Variants in AOX1 observed in about 807,000 individuals in gnomAD.
AOX1 encodes aldehyde oxidase.
AOX1 carries 153 observed loss-of-function variants against 169.5 expected under a neutral mutation model. The ratio of observed to expected loss-of-function variants is 0.90; its 90% CI spans 0.79 to 1.03. The LOEUF is 1.03. Ranked by LOEUF, AOX1 falls within the 50% of genes least tolerant of loss-of-function variation. The probability of loss-of-function intolerance (pLI) is 0.00; values close to 1 mark genes in which losing one functional copy is unlikely to be tolerated. For synonymous variants in AOX1, 562 were observed against 581.9 expected (o/e 0.97, Z 0.49); for missense variants, 1,656 against 1,663.9 (o/e 1.00, Z 0.08).
chr2:200,654,579 A>T (rs2035646196), intron 26 of AOX1, among the ~76,000 whole-genome samples: 1 of 152,168 alleles, frequency 6.6e-6, no homozygotes, highest in South Asian at 2.1e-4. Context: ...ACTGAATGGC[A>T]CAGACAGGAC....
intron 1 of AOX1, among the ~76,000 whole-genome samples, chr2:200,590,154 A>C (rs2034138762): frequency 1.3e-5 from 2 of 148,156 alleles, no homozygotes; most frequent in African/African-American, 2.5e-5. Context: ...CTTATTTTCT[A>C]CTCTCTCTCC....
At chr2:200,607,463 A>ATCC (rs2034538891) in intron 10 of AOX1, among the ~76,000 whole-genome samples, 1 of 152,182 alleles carries the variant, frequency 6.6e-6, no homozygotes, top group East Asian at 1.9e-4. Context: ...AAAGTCAGGA[A>ATCC]ACAATAAATG....
At position 200,670,777 on chromosome 2, in the gene AOX1, T is replaced by C; in HGVS notation, c.*98T>C. 2 of 963,406 alleles carry C rather than the reference T, an allele frequency of 2.1e-6. No individual in the cohort carries two copies. The highest frequency in any genetic ancestry group is 1.5e-5 in the South Asian group (1 of 68,870). The allele number at this position is 963,406 out of a possible 1,614,324, so 59.7% of individuals were successfully genotyped here. A position where few individuals can be genotyped will look rare whatever the true frequency, so the allele number is the denominator to read the frequency against. ...AGATGCTAGATCTGAAAGACAGAGTTTCCACAGTTCAGAAATCATCCCACA... is the reference window on the plus strand; with the variant it reads ...AGATGCTAGATCTGAAAGACAGAGTCTCCACAGTTCAGAAATCATCCCACA... On this transcript the variant is annotated 3_prime_UTR_variant, in exon 35 of 35. Coordinates refer to ENST00000374700, the MANE Select transcript of AOX1 (RefSeq NM_001159.4).
chr2:200,665,833 C>G (rs1178380837), intron 31 of AOX1, among the ~76,000 whole-genome samples: 3 of 152,240 alleles, frequency 2.0e-5, no homozygotes, highest in Non-Finnish European at 4.4e-5. Context: ...GAAGGCCAGT[C>G]TTGCTGACTG....
At chr2:200,657,164 A>AAAAAAAAAG (rs2035706412) in intron 27 of AOX1, among the ~76,000 whole-genome samples, 1 of 89,508 alleles carries the variant, frequency 1.1e-5, no homozygotes, top group Non-Finnish European at 2.2e-5. Context: ...TCTCTACCAA[A>AAAAAAAAAG]AATATATATA....
Position 200,656,919 on chromosome 2 carries a change from C to T in AOX1, c.3153C>T (p.Val1051=). The T allele has an allele frequency of 6.3e-7, 1 of 1,576,082 alleles. No homozygotes were observed. The highest frequency in any genetic ancestry group is 8.6e-7 in the Non-Finnish European group (1 of 1,160,082). The change falls in exon 27 of 35, where the codon GTC becomes GTT. Residue 1051 remains valine, a synonymous_variant. Coordinates refer to ENST00000374700, the MANE Select transcript of AOX1 (RefSeq NM_001159.4). ...THGGIEMGQG[V]HTKMIQVVSR... ...GTGGAATTGAAATGGGGCAGGGGGT[C>T]CACACTAAAATGATTCAGGTAAGAA...
intron 20 of AOX1, 111 bp from the exon 21 acceptor site, chr2:200,634,680 G>A: frequency 7.6e-7 from 1 of 1,321,192 alleles, no homozygotes; most frequent in Non-Finnish European, 1.0e-6. Context: ...ACTTCACTGT[G>A]CCCAGCAGAA....
intron 13 of AOX1, among the ~76,000 whole-genome samples, chr2:200,611,837 T>C (rs2034648195): frequency 6.6e-6 from 1 of 151,956 alleles, no homozygotes; most frequent in Admixed American, 6.6e-5. Context: ...CCCGAGTAGC[T>C]GGGATTACAG....
Position 200,599,705 on chromosome 2 carries a change from A to C in AOX1, c.395A>C (p.His132Pro). The part of the protein sequence containing the change: ...VMSIYTLLRN[H>P]PEPTLDQLTD... ...TCCATCTACACGCTGCTCAGGAACC[A>C]CCCAGAGCCCACTCTGGATCAGTTA... Residue 132 changes from histidine (H) to proline (P), a missense_variant, in exon 5 of 35, where the codon CAC (histidine) becomes CCC (proline). Coordinates refer to ENST00000374700, the MANE Select transcript of AOX1 (RefSeq NM_001159.4). 3.7e-6 allele frequency: 6 copies of C among 1,611,190 alleles called. No homozygotes were observed. The highest frequency in any genetic ancestry group is 5.1e-6 in the Non-Finnish European group (6 of 1,178,262).
intron 29 of AOX1, among the ~76,000 whole-genome samples, chr2:200,661,280 T>G (rs943604671): frequency 6.6e-6 from 1 of 152,216 alleles, no homozygotes; most frequent in African/African-American, 2.4e-5. Flanking sequence ...CCATCTTAAT[T>G]GAAAATTTTC....
rs571456794 is a variant in AOX1, at chr2:200,657,063, C to G, written c.3171+126C>G. ...AGGAAGCTGGGTGAGGTGGCTCATG[C>G]CTGTAATCCCAGCATTTTGGGAGGC... is the stretch of plus-strand genomic sequence containing the variant. On this transcript the variant is annotated intron_variant, in intron 27 of 34. Coordinates refer to ENST00000374700, the MANE Select transcript of AOX1 (RefSeq NM_001159.4). 99 of 510,984 alleles carry G rather than the reference C, an allele frequency of 1.9e-4. No homozygotes were observed. In the East Asian group the frequency reaches 3.9e-3, roughly 20 times the overall value. The allele number at this position is 510,984 out of a possible 1,614,324, so 31.7% of individuals were successfully genotyped here. A position where few individuals can be genotyped will look rare whatever the true frequency, so the allele number is the denominator to read the frequency against.
At chr2:200,659,419 C>A in intron 28 of AOX1, 126 bp downstream of exon 28, 1 of 1,029,190 alleles carries the variant, frequency 9.7e-7, no homozygotes, top group Non-Finnish European at 1.4e-6. Flanking sequence ...TGCCCTCAGT[C>A]AGTGGTACAG....
At chr2:200,610,443 C>G (rs1455229765) in intron 12 of AOX1, among the ~76,000 whole-genome samples, 1 of 152,168 alleles carries the variant, frequency 6.6e-6, no homozygotes. Flanking sequence ...AAAAGTCATA[C>G]TATGAGAAAC....
intron 16 of AOX1, among the ~76,000 whole-genome samples, chr2:200,618,078 A>G (rs1323195844): frequency 6.6e-6 from 1 of 152,176 alleles, no homozygotes; most frequent in Non-Finnish European, 1.5e-5. Context: ...CTGAACCCCA[A>G]TAAGTAAACT....
At chr2:200,588,816 G>A (rs1363680917) in intron 1 of AOX1, among the ~76,000 whole-genome samples, 2 of 138,956 alleles carry the variant, frequency 1.4e-5, no homozygotes, top group Non-Finnish European at 3.0e-5. Context: ...CCACCACCAC[G>A]CTAATTTTTG....
chr2:200,625,295 T>C (rs1396225594), intron 19 of AOX1, among the ~76,000 whole-genome samples: 2 of 152,194 alleles, frequency 1.3e-5, no homozygotes, highest in Non-Finnish European at 2.9e-5. Context: ...TTAGAAATTA[T>C]TTACGTAACA....
At chr2:200,630,571 GA>G (rs1440691069) in intron 20 of AOX1, among the ~76,000 whole-genome samples, 2 of 89,380 alleles carry the variant, frequency 2.2e-5, no homozygotes, top group African/African-American at 6.8e-5. Context: ...AGGAAGGAAG[GA>G]AGGAAGGAAG....
At chr2:200,665,091 C>T (rs2035901021) in intron 31 of AOX1, among the ~76,000 whole-genome samples, 1 of 152,230 alleles carries the variant, frequency 6.6e-6, no homozygotes, top group Admixed American at 6.5e-5. Context: ...GTGGATACCT[C>T]TTTGTAGGCT....
chr2:200,600,475 C>CG (rs35245400), intron 5 of AOX1, among the ~76,000 whole-genome samples: 25,373 of 151,428 alleles, frequency 0.17, 2,260 homozygotes, highest in Non-Finnish European at 0.2. Flanking sequence ...GTGTATGTGG[C>CG]GGGGGGGGAC....
Sources: allele counts gnomAD v4.1 joint callset (sites outside exome capture counted in the v4.1 genomes callset), GRCh38; gene constraint gnomAD v4.1.1; transcripts MANE v1.5; gene names NCBI Gene and HGNC (gene_info 2026-07-23, HGNC 2026-07-21).